The following ARHGAP22 variants were observed in gnomAD, a reference collection of about 807,000 sequenced individuals.
ARHGAP22 encodes Rho GTPase activating protein 22.
Under a neutral mutation model 59.1 loss-of-function variants are expected in ARHGAP22, and 48 were observed. That is an observed-to-expected ratio of 0.81 (90% CI 0.64 to 1.03). ARHGAP22 has a LOEUF of 1.03. Among genes scored for constraint, ARHGAP22 ranks in the 50% least tolerant of loss-of-function variants. The pLI, the probability that ARHGAP22 is intolerant of heterozygous loss-of-function variation, is 0.00. For synonymous variants in ARHGAP22, 445 were observed against 416.4 expected, an observed-to-expected ratio of 1.07 and a Z score of -0.84; for missense variants, 1,015 against 958.7, an observed-to-expected ratio of 1.06 and a Z score of -0.78.
chr10:48,493,410 C>G, intron 3 of ARHGAP22: 1 of 1,529,458 alleles, frequency 6.5e-7, no homozygotes, highest in South Asian at 1.2e-5. Context: ...GTCCTCACAG[C>G]CTGCCAGTGA....
intron 2 of ARHGAP22, among the ~76,000 whole-genome samples, chr10:48,570,284 C>A (rs1363262278): frequency 6.6e-6 from 1 of 152,146 alleles, no homozygotes; most frequent in Non-Finnish European, 1.5e-5. Context: ...ATAAATGATA[C>A]CCCTCTCTCT....
At chr10:48,588,582 C>G (rs969004269) in intron 1 of ARHGAP22, among the ~76,000 whole-genome samples, 4 of 152,110 alleles carry the variant, frequency 2.6e-5, no homozygotes, top group African/African-American at 9.7e-5. Flanking sequence ...AGGAGCAGGC[C>G]CAGGCAAGCT....
Position 48,455,124 on chromosome 10 carries a change from C to G in ARHGAP22, c.670G>C (p.Val224Leu). 1 of 1,609,832 alleles carries G rather than the reference C, an allele frequency of 6.2e-7. No homozygotes were observed. Among genetic ancestry groups the G allele is most frequent in the Non-Finnish European group, 8.5e-7 (1 of 1,178,108 alleles). ...EKPLFDSTTD[V>L]HTVASLLKLY... ...TTCAGCAGGGAGGCCACCGTGTGCA[C>G]GTCTGTTGTGCTGTGGGGGGGAAGA... The change falls in exon 6 of 10, where the codon GTG (valine) becomes CTG (leucine). Residue 224 changes from valine (V) to leucine (L), a missense_variant. Transcript: ENST00000249601.
chr10:48,450,502 G>C lies in ARHGAP22; in HGVS notation c.1627C>G (p.Leu543Val). The C allele has an allele frequency of 6.5e-7, 1 of 1,529,884 alleles. No homozygotes were observed. 94.8% of individuals were successfully genotyped at this position (1,529,884 alleles called of 1,614,324 possible). A position where few individuals can be genotyped will look rare whatever the true frequency, so the allele number is the denominator to read the frequency against. Reference protein sequence around the residue: ...RASDSSARSSLHTDWALEPSP... With the variant: ...RASDSSARSSVHTDWALEPSP... ...GGCTCCAGGGCCCAGTCGGTGTGCAGGGAACTGCGGGCAGACGAGTCGCTG... is the reference window on the plus strand; with the variant it reads ...GGCTCCAGGGCCCAGTCGGTGTGCACGGAACTGCGGGCAGACGAGTCGCTG... Residue 543 changes from leucine to valine, a missense_variant, in exon 9 of 10, where the codon CTG (leucine) becomes GTG (valine). Transcript: ENST00000249601.
chr10:48,501,021 G>C (rs930406562), intron 3 of ARHGAP22, among the ~76,000 whole-genome samples: 2 of 151,886 alleles, frequency 1.3e-5, no homozygotes, highest in African/African-American at 4.8e-5. Context: ...GACCACAAAA[G>C]AAAATGTAAC....
At chr10:48,457,066 C>T (rs11101329) in intron 5 of ARHGAP22, among the ~76,000 whole-genome samples, 48,486 of 151,924 alleles carry the variant, frequency 0.32, 8,355 homozygotes, top group East Asian at 0.68. Context: ...GGTCAGGGGA[C>T]GAGGTGCCTG....
chr10:48,642,713 G>A (rs2136166763), intron 1 of ARHGAP22, among the ~76,000 whole-genome samples: 1 of 152,246 alleles, frequency 6.6e-6, no homozygotes, highest in East Asian at 1.9e-4. Context: ...AAAAGCAATG[G>A]CAACAAAAGC....
At chr10:48,637,103 G>T (rs114691885) in intron 1 of ARHGAP22, among the ~76,000 whole-genome samples, 1 of 152,198 alleles carries the variant, frequency 6.6e-6, no homozygotes, top group African/African-American at 2.4e-5. Context: ...TCTCTGAGAA[G>T]CTGATCTCCC....
chr10:48,512,647 G>C (rs1461015950), intron 3 of ARHGAP22, among the ~76,000 whole-genome samples: 1 of 152,130 alleles, frequency 6.6e-6, no homozygotes, highest in Non-Finnish European at 1.5e-5. Context: ...ACACAACCTA[G>C]TGAGACATCC....
chr10:48,646,714 T>C (rs1344416435), intron 1 of ARHGAP22, among the ~76,000 whole-genome samples: 1 of 152,208 alleles, frequency 6.6e-6, no homozygotes, highest in African/African-American at 2.4e-5. Flanking sequence ...CTGTACCTCA[T>C]ACTATATACA....
intron 2 of ARHGAP22, among the ~76,000 whole-genome samples, chr10:48,568,347 C>G (rs1216387237): frequency 3.3e-5 from 5 of 152,234 alleles, no homozygotes; most frequent in African/African-American, 1.2e-4. Context: ...AGCATGAGAT[C>G]CTGGGAGTTT....
chr10:48,618,010 C>T (rs2061148514), intron 1 of ARHGAP22, among the ~76,000 whole-genome samples: 3 of 151,772 alleles, frequency 2.0e-5, no homozygotes, highest in Non-Finnish European at 4.4e-5. Context: ...GACATTACAA[C>T]TGAAACCACC....
chr10:48,555,063 C>T (rs1378190833), intron 3 of ARHGAP22, among the ~76,000 whole-genome samples: 3 of 152,186 alleles, frequency 2.0e-5, no homozygotes, highest in Non-Finnish European at 4.4e-5. Flanking sequence ...TCCCCTTCCT[C>T]CTGCCACATC....
chr10:48,454,603 CT>C (rs1034471300), intron 6 of ARHGAP22, among the ~76,000 whole-genome samples: 1 of 152,212 alleles, frequency 6.6e-6, no homozygotes, highest in African/African-American at 2.4e-5. Flanking sequence ...AGCTCAAATT[CT>C]TTTGGGAAGG....
At chr10:48,644,653 G>C (rs1180530008) in intron 1 of ARHGAP22, among the ~76,000 whole-genome samples, 1 of 152,094 alleles carries the variant, frequency 6.6e-6, no homozygotes, top group African/African-American at 2.4e-5. Context: ...TTTGGAAGTT[G>C]AACAACACAC....
chr10:48,453,377 G>A lies in ARHGAP22; in HGVS notation c.915C>T (p.Val305=), dbSNP rs1312102650. Reference sequence around the variant, plus strand: ...GTCCAAAAACGGTTGCCAGATTCTGGACACTCATCTTGTTGACATTTGAGT... The same window carrying A: ...GTCCAAAAACGGTTGCCAGATTCTGAACACTCATCTTGTTGACATTTGAGT... ...QAYSNVNKMS[V]QNLATVFGPN... The change falls in exon 8 of 10, where the codon GTC becomes GTT. Residue 305 remains valine (V), a synonymous_variant. Coordinates refer to ENST00000249601, the MANE Select transcript of ARHGAP22 (RefSeq NM_021226.4). 4 of 1,614,072 alleles carry A rather than the reference G, an allele frequency of 2.5e-6. No homozygotes were observed. The highest frequency in any genetic ancestry group is 2.5e-6 in the Non-Finnish European group (3 of 1,179,998).
chr10:48,592,467 G>A (rs909074032), intron 1 of ARHGAP22, among the ~76,000 whole-genome samples: 3 of 152,182 alleles, frequency 2.0e-5, no homozygotes, highest in African/African-American at 7.2e-5. Context: ...TTGTGAGGCT[G>A]ATCCATCCCA....
intron 3 of ARHGAP22, among the ~76,000 whole-genome samples, chr10:48,549,721 T>C (rs1370058530): frequency 6.6e-6 from 1 of 152,192 alleles, no homozygotes; most frequent in African/African-American, 2.4e-5. Flanking sequence ...AAACATTGGT[T>C]ATAGCTTTGC....
At chr10:48,638,283 G>C (rs563557781) in intron 1 of ARHGAP22, among the ~76,000 whole-genome samples, 102 of 152,160 alleles carry the variant, frequency 6.7e-4, no homozygotes, top group Non-Finnish European at 1.0e-3. Flanking sequence ...GACATACATT[G>C]CTGCTGATCA....
Sources: gnomAD v4.1 joint callset for allele counts (sites outside exome capture counted in the v4.1 genomes callset) on GRCh38, gnomAD v4.1.1 for gene constraint, MANE v1.5 for transcripts, NCBI Gene and HGNC (gene_info 2026-07-23, HGNC 2026-07-21) for gene names.